Variants in SLC25A46 observed in about 807,000 individuals in gnomAD.
The protein encoded by SLC25A46 is mitochondrial outer membrane protein SLC25A46.
Under a neutral mutation model 44.6 loss-of-function variants are expected in SLC25A46, and 39 were observed. The ratio of observed to expected loss-of-function variants is 0.87; its 90% CI spans 0.68 to 1.14. SLC25A46 has a LOEUF of 1.14. Among genes scored for constraint, SLC25A46 ranks in the 50% most tolerant of loss-of-function variants. The pLI, the probability that SLC25A46 is intolerant of heterozygous loss-of-function variation, is 0.00. For missense variants in SLC25A46, 547 were observed against 522.7 expected (o/e 1.05, Z -0.45); for synonymous variants, 202 against 185.8 (o/e 1.09, Z -0.71).
At chr5:110,750,406 A>C (rs942544046) in intron 5 of SLC25A46, among the ~76,000 whole-genome samples, 7 of 152,106 alleles carry the variant, frequency 4.6e-5, no homozygotes, top group Non-Finnish European at 4.4e-5. Context: ...AAAATGCAGG[A>C]AATTCCATTT....
At chr5:110,738,724 G>C (rs935394312), upstream of SLC25A46, 10 of 255,272 alleles carry the variant, frequency 3.9e-5, no homozygotes, top group South Asian at 3.8e-4. Flanking sequence ...GATCTCACCG[G>C]GTAGGCTCCA....
Position 110,739,042 on chromosome 5 carries a change from A to T in SLC25A46, c.-78A>T. 1 of 1,479,872 alleles carries T rather than the reference A, an allele frequency of 6.8e-7. No homozygotes were observed. Among genetic ancestry groups the T allele is most frequent in the Admixed American group, 2.8e-5 (1 of 35,578 alleles). 91.7% of individuals were successfully genotyped at this position (1,479,872 alleles called of 1,614,324 possible). ...CCTGACGCGGCGGCGGCCGACGGGA[A>T]GCTGTGTGTGCTTAGGTCGTGGTGG... is the stretch of plus-strand genomic sequence containing the variant. On this transcript the variant is annotated 5_prime_UTR_variant, in exon 1 of 8. It adds an upstream start codon to the 5' untranslated region. Transcript: ENST00000355943.
chr5:110,749,237 G>A (rs1180172398), intron 5 of SLC25A46, among the ~76,000 whole-genome samples: 1 of 151,764 alleles, frequency 6.6e-6, no homozygotes, highest in Non-Finnish European at 1.5e-5. Context: ...AGAAGATAAA[G>A]AATTTATCTT....
Position 110,739,123 on chromosome 5 carries a change from C to G in SLC25A46, c.4C>G (p.His2Asp). ...GCGTCATCCTGCCCCCGCTGCGATGCATCCGCGGCGCCCGGACGGATTTGA... is the reference window on the plus strand; with the variant it reads ...GCGTCATCCTGCCCCCGCTGCGATGGATCCGCGGCGCCCGGACGGATTTGA... MHPRRPDGFDGL... is the reference protein window; with the variant it reads MDPRRPDGFDGL... The change falls in exon 1 of 8, where the codon CAT becomes GAT. Residue 2 changes from histidine to aspartate, a missense_variant. His to Asp is a moderately conservative substitution (Grantham distance 81). Transcript: ENST00000355943. 6.5e-7 allele frequency: 1 copy of G among 1,547,212 alleles called. No homozygotes were observed. The highest frequency in any genetic ancestry group is 8.7e-7 in the Non-Finnish European group (1 of 1,146,626).
At chr5:110,738,613 C>T, upstream of SLC25A46, 1 of 198,330 alleles carries the variant, frequency 5.0e-6, no homozygotes, top group South Asian at 7.2e-5. Flanking sequence ...CCCTCCACAA[C>T]TCCAACCTCT....
chr5:110,738,940 T>C, upstream of SLC25A46: 5 of 1,430,182 alleles, frequency 3.5e-6, no homozygotes, highest in South Asian at 3.0e-5. Context: ...CCTTTAATGG[T>C]TGCCGGAAGA....
chr5:110,744,391 T>G (rs1380094644), intron 3 of SLC25A46, among the ~76,000 whole-genome samples: 4 of 152,226 alleles, frequency 2.6e-5, no homozygotes, highest in Non-Finnish European at 5.9e-5. Context: ...TTTGTTACAT[T>G]AAAAAATCCA....
intron 7 of SLC25A46, among the ~76,000 whole-genome samples, chr5:110,760,632 C>G (rs1321274266): frequency 6.6e-6 from 1 of 152,110 alleles, no homozygotes; most frequent in Non-Finnish European, 1.5e-5. Flanking sequence ...CTTTCTTATT[C>G]ATATCCCCAA....
At chr5:110,740,876 C>A (rs1010309405) in intron 1 of SLC25A46, among the ~76,000 whole-genome samples, 5 of 152,118 alleles carry the variant, frequency 3.3e-5, no homozygotes, top group African/African-American at 9.7e-5. Flanking sequence ...GGCGTGAACC[C>A]GGGAGGCGGA....
chr5:110,741,642 C>T (rs1039783973), intron 1 of SLC25A46: 2 of 153,448 alleles, frequency 1.3e-5, no homozygotes, highest in Middle Eastern at 6.8e-3. Context: ...AGGTTCTGTC[C>T]GGATATTTGT....
chr5:110,750,169 G>A (rs1198929299), intron 5 of SLC25A46, among the ~76,000 whole-genome samples: 1 of 149,814 alleles, frequency 6.7e-6, no homozygotes, highest in African/African-American at 2.5e-5. Context: ...GTCTTGAAGT[G>A]CCTTAAATAA....
chr5:110,747,637 A>AATAGTGTTAAGTATGGAGAAGAGTGTT (rs1799853284), intron 4 of SLC25A46, among the ~76,000 whole-genome samples: 1 of 152,162 alleles, frequency 6.6e-6, no homozygotes, highest in African/African-American at 2.4e-5. Context: ...GATATAAAGT[A>AATAGTGTTAAGTATGGAGAAGAGTGTT]ATAGTGTTAA....
chr5:110,758,200 C>G (rs1384871726), intron 7 of SLC25A46, among the ~76,000 whole-genome samples: 1 of 152,016 alleles, frequency 6.6e-6, no homozygotes, highest in Admixed American at 6.6e-5. Flanking sequence ...CATCTCTTGT[C>G]TTATACCTTA....
intron 5 of SLC25A46, among the ~76,000 whole-genome samples, chr5:110,750,055 A>G (rs1204144778): frequency 6.6e-6 from 1 of 152,128 alleles, no homozygotes; most frequent in Non-Finnish European, 1.5e-5. Context: ...AGTGTAACGC[A>G]TATGCCCAAT....
Position 110,764,198 on chromosome 5 carries a change from T to A in SLC25A46, c.*2416T>A, listed in dbSNP as rs539820739. 7 of 152,000 alleles carry A rather than the reference T, an allele frequency of 4.6e-5. No individual in the cohort carries two copies. In the South Asian group the frequency reaches 1.5e-3, roughly 32 times the overall value. 9.4% of individuals were successfully genotyped at this position (152,000 alleles called of 1,614,324 possible). On this transcript the variant is annotated 3_prime_UTR_variant, in exon 8 of 8. Transcript: ENST00000355943. The stretch of plus-strand genomic sequence containing the variant: ...TTTGGCCATGGAGCTTGTGATACAC[T>A]TGCCTTACATTGTAGGGTTTCTTAA...
chr5:110,759,286 TAAGTA>T (rs1038136472), intron 7 of SLC25A46, among the ~76,000 whole-genome samples: 6 of 152,064 alleles, frequency 3.9e-5, no homozygotes, highest in Non-Finnish European at 7.4e-5. Context: ...TTTAAGAAGA[TAAGTA>T]AAGGTCTCAC....
chr5:110,755,573 G>A (rs937685584), intron 6 of SLC25A46, 52 bp downstream of exon 6: 8 of 1,129,972 alleles, frequency 7.1e-6, no homozygotes, highest in Non-Finnish European at 1.0e-5. Context: ...AATTTTTATA[G>A]TATTAGAACT....
At chr5:110,758,166 A>G (rs1800161716) in intron 7 of SLC25A46, among the ~76,000 whole-genome samples, 1 of 151,868 alleles carries the variant, frequency 6.6e-6, no homozygotes, top group African/African-American at 2.4e-5. Flanking sequence ...TCTCTTGAAC[A>G]TCTTTTTTCA....
chr5:110,744,855 C>T (rs371729940), intron 3 of SLC25A46, among the ~76,000 whole-genome samples: 1 of 152,182 alleles, frequency 6.6e-6, no homozygotes, highest in East Asian at 1.9e-4. Flanking sequence ...TTCCTCATGA[C>T]AGCAATCTTA....
Sources: allele counts gnomAD v4.1 joint callset (sites outside exome capture counted in the v4.1 genomes callset), GRCh38; gene constraint gnomAD v4.1.1; transcripts MANE v1.5; gene names NCBI Gene and HGNC (gene_info 2026-07-23, HGNC 2026-07-21).